UCK2: variants seen among roughly 807,000 people sequenced by gnomAD.
The protein encoded by UCK2 is cytidine monophosphokinase 2.
Under a neutral mutation model 30.8 loss-of-function variants are expected in UCK2, and 6 were observed. The ratio of observed to expected loss-of-function variants is 0.19; its 90% CI spans 0.11 to 0.38. The LOEUF (loss-of-function observed/expected upper bound fraction) is 0.38, where lower values mean the gene tolerates loss of function less well. Ranked by LOEUF, UCK2 falls within the 10% of genes least tolerant of loss-of-function variation. UCK2 has a pLI of 1.00. For missense variants in UCK2, 210 were observed against 339.8 expected, an observed-to-expected ratio of 0.62 and a Z score of 3.00; for synonymous variants, 125 against 133.6, an observed-to-expected ratio of 0.94 and a Z score of 0.45.
intron 1 of UCK2, among the ~76,000 whole-genome samples, chr1:165,881,228 A>T (rs1029341253): frequency 3.2e-4 from 46 of 145,678 alleles, no homozygotes; most frequent in Middle Eastern, 3.6e-3. Context: ...GAAGAACCAT[A>T]GTTCTCATTT....
intron 5 of UCK2, 144 bp downstream of exon 5, chr1:165,903,423 A>G: frequency 1.5e-6 from 1 of 682,084 alleles, no homozygotes. Context: ...GTCCTAAGAG[A>G]GGGCAGCCCT....
At chr1:165,872,995 C>T (rs1235739703) in intron 1 of UCK2, among the ~76,000 whole-genome samples, 1 of 152,100 alleles carries the variant, frequency 6.6e-6, no homozygotes, top group East Asian at 1.9e-4. Flanking sequence ...AAAGCAACTA[C>T]CTTGAAAAGG....
intron 5 of UCK2, among the ~76,000 whole-genome samples, chr1:165,903,695 C>T (rs1647561037): frequency 6.6e-6 from 1 of 152,242 alleles, no homozygotes; most frequent in African/African-American, 2.4e-5. Flanking sequence ...AGATGTTCCC[C>T]TCTGAGCCTC....
At chr1:165,851,612 G>A (rs953115354) in intron 1 of UCK2, among the ~76,000 whole-genome samples, 1 of 151,966 alleles carries the variant, frequency 6.6e-6, no homozygotes, top group African/African-American at 2.4e-5. Context: ...AGCTGCTTAT[G>A]GATTTTTTTT....
intron 4 of UCK2, among the ~76,000 whole-genome samples, chr1:165,899,069 G>A (rs973427286): frequency 6.6e-6 from 1 of 152,208 alleles, no homozygotes; most frequent in African/African-American, 2.4e-5. Context: ...CAGCTGTTGA[G>A]TGAGCTTGAA....
intron 1 of UCK2, among the ~76,000 whole-genome samples, chr1:165,869,691 G>A (rs200615824): frequency 1.5e-4 from 1 of 6,640 alleles, no homozygotes; most frequent in South Asian, 1.2e-3. Context: ...TTAAAGAGAT[G>A]GGGGTCTTGC....
chr1:165,899,494 A>G (rs1647384273), intron 4 of UCK2, among the ~76,000 whole-genome samples: 1 of 152,096 alleles, frequency 6.6e-6, no homozygotes, highest in East Asian at 1.9e-4. Flanking sequence ...GATTGACTTC[A>G]CCATTGAGGA....
chr1:165,831,975 GC>G (rs1440737812), intron 1 of UCK2, among the ~76,000 whole-genome samples: 3 of 151,996 alleles, frequency 2.0e-5, no homozygotes, highest in Non-Finnish European at 4.4e-5. Context: ...CACCATGTTG[GC>G]CGGGCTGGTC....
chr1:165,834,618 A>G (rs1176208331), intron 1 of UCK2, among the ~76,000 whole-genome samples: 2 of 152,232 alleles, frequency 1.3e-5, no homozygotes, highest in Non-Finnish European at 2.9e-5. Flanking sequence ...TGTATGCCTG[A>G]GAATTTTGAA....
intron 1 of UCK2, among the ~76,000 whole-genome samples, chr1:165,868,317 C>T (rs543875905): frequency 6.6e-6 from 1 of 152,294 alleles, no homozygotes; most frequent in East Asian, 1.9e-4. Context: ...TTTAAAGTCA[C>T]CAGTTGCATT....
chr1:165,854,208 C>A (rs1654668295), intron 1 of UCK2, among the ~76,000 whole-genome samples: 1 of 152,180 alleles, frequency 6.6e-6, no homozygotes, highest in Non-Finnish European at 1.5e-5. Context: ...AGCACAGTGG[C>A]AGGCTGAGAA....
chr1:165,842,973 G>T (rs1326571798), intron 1 of UCK2, among the ~76,000 whole-genome samples: 1 of 152,164 alleles, frequency 6.6e-6, no homozygotes, highest in African/African-American at 2.4e-5. Context: ...CTTCTGATGT[G>T]CCTCTTTTGT....
Position 165,827,863 on chromosome 1 carries a change from G to A in UCK2, c.30G>A (p.Gln10=). 2 of 1,478,882 alleles carry A rather than the reference G, an allele frequency of 1.4e-6. No homozygotes were observed. The highest frequency in any genetic ancestry group is 1.8e-6 in the Non-Finnish European group (2 of 1,108,412). 91.6% of individuals were successfully genotyped at this position (1,478,882 alleles called of 1,614,324 possible). MAGDSEQTL[Q]NHQQPNGGEP... ...CCGGGGACAGCGAGCAGACCCTGCA[G>A]AACCACCAGCAGCCCAACGGCGGCG... is the stretch of plus-strand genomic sequence containing the variant. Residue 10 remains glutamine (Q), a synonymous_variant, in exon 1 of 7, where the codon CAG becomes CAA. Transcript: ENST00000367879.
At chr1:165,882,417 G>GA (rs34338305) in intron 1 of UCK2, among the ~76,000 whole-genome samples, 1 of 152,192 alleles carries the variant, frequency 6.6e-6, no homozygotes, top group South Asian at 2.1e-4. Flanking sequence ...GAAAGTGACA[G>GA]AAAACCTCTA....
rs1025946850 is a variant in UCK2, at chr1:165,870,161, C to CT, written c.100-20036dup. 2.2e-3 allele frequency among the ~76,000 whole-genome samples: 296 copies of CT among 132,434 alleles called. 2 individuals carry two copies. The highest frequency in any genetic ancestry group is 8.1e-3 in the African/African-American group (290 of 35,748). The allele number at this position is 132,434 out of a possible 152,430, so 86.9% of individuals were successfully genotyped here. The stretch of plus-strand genomic sequence containing the variant: ...TTTCTTTTGTTGTTGTTGTTTGTTT[C>CT]TTTTTTTGTATGGTGTAAAGTAAGG... On this transcript the variant is annotated intron_variant, in intron 1 of 6. Transcript: ENST00000367879.
At chr1:165,875,907 C>T (rs1655321534) in intron 1 of UCK2, among the ~76,000 whole-genome samples, 1 of 152,088 alleles carries the variant, frequency 6.6e-6, no homozygotes, top group South Asian at 2.1e-4. Flanking sequence ...TTAGCCCTCT[C>T]AGGGGAGGGT....
intron 1 of UCK2, among the ~76,000 whole-genome samples, chr1:165,856,564 T>C (rs959802401): frequency 2.0e-5 from 3 of 151,866 alleles, no homozygotes; most frequent in Non-Finnish European, 4.4e-5. Context: ...TAGTTGACAT[T>C]CCTGTGTGTT....
chr1:165,841,460 A>G (rs1320168615), intron 1 of UCK2, among the ~76,000 whole-genome samples: 1 of 152,140 alleles, frequency 6.6e-6, no homozygotes, highest in African/African-American at 2.4e-5. Flanking sequence ...GCTGGGGATT[A>G]CAGGCGTGAG....
intron 1 of UCK2, among the ~76,000 whole-genome samples, chr1:165,880,288 T>G (rs1655453033): frequency 6.6e-6 from 1 of 152,184 alleles, no homozygotes; most frequent in Admixed American, 6.5e-5. Flanking sequence ...ATAAGCATAT[T>G]ATCTTTGCTC....
Sources: gnomAD v4.1 joint callset for allele counts (sites outside exome capture counted in the v4.1 genomes callset) on GRCh38, gnomAD v4.1.1 for gene constraint, MANE v1.5 for transcripts, NCBI Gene and HGNC (gene_info 2026-07-23, HGNC 2026-07-21) for gene names.